Variants in CAND1 observed in about 807,000 individuals in gnomAD.
The protein encoded by CAND1 is cullin-associated NEDD8-dissociated protein 1.
A neutral mutation model predicts 108.5 loss-of-function variants in CAND1; 7 were observed. The observed-to-expected ratio is 0.06, with a 90% CI of 0.04 to 0.12. The LOEUF is 0.12. CAND1 is among the 10% of genes least tolerant of loss of function. CAND1 has a pLI of 1.00. For synonymous variants in CAND1, 534 were observed against 512.0 expected (o/e 1.04, Z -0.58); for missense variants, 941 against 1,448.7 (o/e 0.65, Z 5.69).
chr12:67,283,551 C>G (rs2044639565), intron 2 of CAND1, among the ~76,000 whole-genome samples: 1 of 150,622 alleles, frequency 6.6e-6, no homozygotes, highest in Non-Finnish European at 1.5e-5. Flanking sequence ...CCACTGCATG[C>G]CAGCCTGGAC....
chr12:67,272,088 T>C (rs570409084), intron 1 of CAND1, among the ~76,000 whole-genome samples: 10 of 152,382 alleles, frequency 6.6e-5, no homozygotes, highest in African/African-American at 9.6e-5. Flanking sequence ...GATTTGTGGC[T>C]ACATATTTTA....
At chr12:67,280,923 G>T (rs2044613770) in intron 1 of CAND1, among the ~76,000 whole-genome samples, 1 of 151,952 alleles carries the variant, frequency 6.6e-6, no homozygotes, top group African/African-American at 2.4e-5. Flanking sequence ...CTACTTTTTA[G>T]AATCACCTCT....
chr12:67,310,377 C>T, intron 13 of CAND1, 61 bp downstream of exon 13: 2 of 1,229,520 alleles, frequency 1.6e-6, no homozygotes, highest in South Asian at 1.5e-5. Flanking sequence ...GAGCAACTTT[C>T]ACCCTTGTAA....
rs889356839 is a variant in CAND1, at chr12:67,317,919, T to G, written c.*5089T>G. On this transcript the variant is annotated 3_prime_UTR_variant, in exon 15 of 15. Coordinates refer to ENST00000545606, the MANE Select transcript of CAND1 (RefSeq NM_018448.5). Reference sequence around the variant, plus strand: ...TGAAGTCATCATCTTGCCCTGGTTTTTCCTGTCTCTTTGCTGATGGCATCC... The same window carrying G: ...TGAAGTCATCATCTTGCCCTGGTTTGTCCTGTCTCTTTGCTGATGGCATCC... The G allele has an allele frequency of 1.3e-5, 2 of 152,300 alleles. No individual in the cohort carries two copies. Among genetic ancestry groups the G allele is most frequent in the African/African-American group, 4.8e-5 (2 of 41,466 alleles). 9.4% of individuals were successfully genotyped at this position (152,300 alleles called of 1,614,324 possible).
At chr12:67,296,099 G>A (rs2044766283) in intron 4 of CAND1, among the ~76,000 whole-genome samples, 1 of 152,090 alleles carries the variant, frequency 6.6e-6, no homozygotes, top group African/African-American at 2.4e-5. Context: ...AAAAGCAGTA[G>A]GAAATCATTC....
At position 67,295,043 on chromosome 12, in the gene CAND1, A is replaced by G; in HGVS notation, c.378A>G (p.Leu126=). The stretch of plus-strand genomic sequence containing the variant: ...TTCTTATTCATGCAGGCTCTGCATT[A>G]GCTGCTAATGTATGTAAAAAGATTA... ...ELPPASSGSA[L]AANVCKKITG... Residue 126 remains leucine, a synonymous_variant, in exon 4 of 15, where the codon TTA becomes TTG. Transcript: ENST00000545606. The G allele has an allele frequency of 6.2e-7, 1 of 1,611,716 alleles. No homozygotes were observed. Among genetic ancestry groups the G allele is most frequent in the East Asian group, 2.2e-5 (1 of 44,752 alleles).
At position 67,305,197 on chromosome 12, in the gene CAND1, C is replaced by T; in HGVS notation, c.1529C>T (p.Pro510Leu). The change falls in exon 10 of 15, where the codon CCT (proline) becomes CTT (leucine). Residue 510 changes from proline (P) to leucine (L), a missense_variant. Coordinates refer to ENST00000545606, the MANE Select transcript of CAND1 (RefSeq NM_018448.5). The surrounding 1 kb of genome is among the most constrained non-coding windows in gnomAD (Gnocchi z 4.4). ...TACGTAATCCTCTGTAACCATTCTCCTCAAGTCTTCCATCCTCACGTTCAG... is the reference window on the plus strand; with the variant it reads ...TACGTAATCCTCTGTAACCATTCTCTTCAAGTCTTCCATCCTCACGTTCAG... ...CLYVILCNHSPQVFHPHVQAL... is the reference protein window; with the variant it reads ...CLYVILCNHSLQVFHPHVQAL... 1.9e-6 allele frequency: 3 copies of T among 1,614,136 alleles called. No homozygotes were observed. Among genetic ancestry groups the T allele is most frequent in the Non-Finnish European group, 2.5e-6 (3 of 1,180,000 alleles).
chr12:67,307,574 T>C (rs894705343), intron 11 of CAND1, 82 bp downstream of exon 11: 6 of 828,050 alleles, frequency 7.2e-6, no homozygotes, highest in South Asian at 1.6e-5. Flanking sequence ...ACTAGAAATA[T>C]CGAGGAATTA....
intron 1 of CAND1, among the ~76,000 whole-genome samples, chr12:67,278,303 A>G (rs2044588735): frequency 6.6e-6 from 1 of 152,008 alleles, no homozygotes; most frequent in African/African-American, 2.4e-5. Flanking sequence ...GATTACAGGC[A>G]TGTACTACCA....
intron 1 of CAND1, among the ~76,000 whole-genome samples, chr12:67,278,458 C>G (rs907732269): frequency 6.6e-6 from 1 of 151,548 alleles, no homozygotes; most frequent in Non-Finnish European, 1.5e-5. Flanking sequence ...TCCTACTCTT[C>G]AGATCAGTCT....
In CAND1 at chr12:67,305,180, C is replaced by A; in HGVS notation, c.1512C>A (p.Ile504=). 1.2e-6 allele frequency: 2 copies of A among 1,614,038 alleles called. No homozygotes were observed. The highest frequency in any genetic ancestry group is 1.7e-6 in the Non-Finnish European group (2 of 1,179,960). The change falls in exon 10 of 15, where the codon ATC becomes ATA. Residue 504 remains isoleucine (I), a synonymous_variant. Transcript: ENST00000545606. The surrounding 1 kb of genome is among the most constrained non-coding windows in gnomAD (Gnocchi z 4.4). Reference sequence around the variant, plus strand: ...ATGCTTTGTCATGTCTATACGTAATCCTCTGTAACCATTCTCCTCAAGTCT... The same window carrying A: ...ATGCTTTGTCATGTCTATACGTAATACTCTGTAACCATTCTCCTCAAGTCT... The part of the protein sequence containing the change: ...KIDALSCLYV[I]LCNHSPQVFH...
chr12:67,297,765 A>C lies in CAND1; in HGVS notation c.766A>C (p.Ile256Leu). ...GHRIGEYLEK[I>L]IPLVVKFCNV... ...TTTCTTAGGTGAATACCTTGAGAAGATAATTCCTTTGGTGGTAAAATTTTG... is the reference window on the plus strand; with the variant it reads ...TTTCTTAGGTGAATACCTTGAGAAGCTAATTCCTTTGGTGGTAAAATTTTG... The change falls in exon 6 of 15, where the codon ATA becomes CTA. Residue 256 changes from isoleucine (I) to leucine (L), a missense_variant. Coordinates refer to ENST00000545606, the MANE Select transcript of CAND1 (RefSeq NM_018448.5). 1 of 1,607,682 alleles carries C rather than the reference A, an allele frequency of 6.2e-7. No individual in the cohort carries two copies. Among genetic ancestry groups the C allele is most frequent in the Non-Finnish European group, 8.5e-7 (1 of 1,175,428 alleles).
chr12:67,280,192 A>G (rs901898570), intron 1 of CAND1, among the ~76,000 whole-genome samples: 6 of 152,226 alleles, frequency 3.9e-5, no homozygotes, highest in African/African-American at 1.4e-4. Context: ...GTTTTACAGA[A>G]CGTGGTAAGA....
chr12:67,274,066 C>T (rs1398429278), intron 1 of CAND1, among the ~76,000 whole-genome samples: 3 of 152,118 alleles, frequency 2.0e-5, no homozygotes, highest in Non-Finnish European at 4.4e-5. Context: ...AACTCTTGAC[C>T]ACCCAGCTAT....
rs2045040895 is a variant in CAND1, at chr12:67,319,638, G to T, written c.*6808G>T. On this transcript the variant is annotated 3_prime_UTR_variant, in exon 15 of 15. Transcript: ENST00000545606. ...TTGCTGATGGTTACTGAGGGTATGG[G>T]AAGGGCCGACTAGTCCAGCTGTTCA... 1 of 152,198 alleles carries T rather than the reference G, an allele frequency of 6.6e-6. No individual in the cohort carries two copies. Among genetic ancestry groups the T allele is most frequent in the African/African-American group, 2.4e-5 (1 of 41,452 alleles). The allele number at this position is 152,198 out of a possible 1,614,324, so 9.4% of individuals were successfully genotyped here. A position where few individuals can be genotyped will look rare whatever the true frequency, so the allele number is the denominator to read the frequency against.
chr12:67,305,774 C>T lies in CAND1; in HGVS notation c.2106C>T (p.Ser702=), dbSNP rs746563386. ...AVLDELPPLI[S]ESDMHVSQMA... is the part of the protein sequence containing the mutation. ...TAGATGAGCTCCCACCTCTTATCAG[C>T]GAAAGTGATATGCATGTTTCACAAA... The change falls in exon 10 of 15, where the codon AGC becomes AGT. Residue 702 remains serine (S), a synonymous_variant. Transcript: ENST00000545606. This position sits in a 1 kb window ranked among gnomAD's most constrained non-coding sequence, Gnocchi z 4.4. The T allele has an allele frequency of 1.9e-6, 3 of 1,614,072 alleles. No homozygotes were observed. Among genetic ancestry groups the T allele is most frequent in the Admixed American group, 1.7e-5 (1 of 60,024 alleles).
At chr12:67,286,933 T>C (rs1382818459) in intron 2 of CAND1, among the ~76,000 whole-genome samples, 1 of 152,238 alleles carries the variant, frequency 6.6e-6, no homozygotes, top group African/African-American at 2.4e-5. Context: ...TGAATTACTT[T>C]GGCATCTTCG....
At chr12:67,304,825 T>C in intron 9 of CAND1, 79 bp downstream of exon 9, 1 of 1,519,880 alleles carries the variant, frequency 6.6e-7, no homozygotes, top group African/African-American at 1.4e-5. Flanking sequence ...AATAATTGTT[T>C]CCTTTTAAAG....
intron 1 of CAND1, among the ~76,000 whole-genome samples, chr12:67,277,747 T>G (rs529146155): frequency 9.9e-5 from 15 of 152,194 alleles, no homozygotes; most frequent in Non-Finnish European, 1.8e-4. Flanking sequence ...AAATAAATGT[T>G]AATGAGTAGG....
Sources: allele counts gnomAD v4.1 joint callset (sites outside exome capture counted in the v4.1 genomes callset), GRCh38; gene constraint gnomAD v4.1.1; non-coding constraint Gnocchi (gnomAD v3.1); transcripts MANE v1.5; gene names NCBI Gene and HGNC (gene_info 2026-07-23, HGNC 2026-07-21).